The following MTUS2 variants were observed in gnomAD, a reference collection of about 807,000 sequenced individuals.
MTUS2 encodes the protein microtubule-associated tumor suppressor candidate 2.
In MTUS2, 40 loss-of-function variants were observed where a neutral mutation model predicts 114.1. The ratio of observed to expected loss-of-function variants is 0.35; its 90% CI spans 0.27 to 0.46. The LOEUF is 0.46. MTUS2 is among the 20% of genes least tolerant of loss of function. The pLI, the probability that MTUS2 is intolerant of heterozygous loss-of-function variation, is 1.00. For missense variants in MTUS2, 1,679 were observed against 1,705.4 expected (o/e 0.98, Z 0.27); for synonymous variants, 688 against 672.0 (o/e 1.02, Z -0.37).
Position 28,909,251 on chromosome 13 carries a change from G to A in MTUS2, c.-243+69401G>A, listed in dbSNP as rs542525314. The stretch of plus-strand genomic sequence containing the variant: ...GCAAGTCATTGGTAGCTTAATGGGG[G>A]TGGCATTGAATCTATAAATTACCTT... On this transcript the variant is annotated intron_variant, in intron 2 of 15. Coordinates refer to ENST00000612955, the MANE Select transcript of MTUS2 (RefSeq NM_001033602.4). Among the ~76,000 whole-genome samples the A allele has an allele frequency of 6.7e-4, 100 of 149,632 alleles. 2 individuals carry two copies. The highest frequency in any genetic ancestry group is 7.0e-3 in the Middle Eastern group (2 of 284).
chr13:29,400,269 A>G (rs1310701794), intron 8 of MTUS2, among the ~76,000 whole-genome samples: 4 of 152,250 alleles, frequency 2.6e-5, no homozygotes, highest in Non-Finnish European at 4.4e-5. Flanking sequence ...AAGTGGATAT[A>G]TATCTCCATG....
chr13:28,866,760 G>A (rs974886322), intron 2 of MTUS2, among the ~76,000 whole-genome samples: 19 of 152,170 alleles, frequency 1.2e-4, no homozygotes, highest in Middle Eastern at 3.4e-3. Flanking sequence ...TTGAGTACTA[G>A]ACAGGTTCCT....
At chr13:28,862,474 A>G (rs1377527012) in intron 2 of MTUS2, among the ~76,000 whole-genome samples, 3 of 152,178 alleles carry the variant, frequency 2.0e-5, no homozygotes, top group African/African-American at 7.2e-5. Flanking sequence ...TTAGCCAGGC[A>G]TGGTGGCGCA....
At chr13:28,944,710 G>A (rs1376399469) in intron 2 of MTUS2, among the ~76,000 whole-genome samples, 3 of 152,144 alleles carry the variant, frequency 2.0e-5, no homozygotes, top group African/African-American at 7.2e-5. Flanking sequence ...TCATCCTTGG[G>A]CTGTGGGAGT....
At chr13:29,391,747 TA>T (rs1433870237) in intron 8 of MTUS2, among the ~76,000 whole-genome samples, 4 of 152,170 alleles carry the variant, frequency 2.6e-5, no homozygotes, top group Non-Finnish European at 5.9e-5. Context: ...AAGCTACGAT[TA>T]AAAGCTACGA....
chr13:29,333,428 C>G (rs1900894813), intron 7 of MTUS2, among the ~76,000 whole-genome samples: 2 of 151,820 alleles, frequency 1.3e-5, no homozygotes, highest in African/African-American at 4.8e-5. Context: ...AACACCCTAC[C>G]TCAGGTGATC....
At chr13:29,030,449 C>T (rs1886763781) in intron 3 of MTUS2, among the ~76,000 whole-genome samples, 1 of 152,180 alleles carries the variant, frequency 6.6e-6, no homozygotes, top group East Asian at 1.9e-4. Flanking sequence ...GAGACCCAGG[C>T]CTCTTCTCAG....
chr13:29,302,909 G>A lies in MTUS2; in HGVS notation c.2806+21044G>A, dbSNP rs560596851. On this transcript the variant is annotated intron_variant, in intron 6 of 15. Coordinates refer to ENST00000612955, the MANE Select transcript of MTUS2 (RefSeq NM_001033602.4). ...TCCTACAGGTACATGAAGGCTGGCAGTAGGTCAGTACCCCCTGGGATGGAG... is the reference window on the plus strand; with the variant it reads ...TCCTACAGGTACATGAAGGCTGGCAATAGGTCAGTACCCCCTGGGATGGAG... 1.5e-3 allele frequency among the ~76,000 whole-genome samples: 228 copies of A among 152,322 alleles called. 1 individual carries two copies. Among genetic ancestry groups the A allele is most frequent in the Non-Finnish European group, 2.4e-3 (161 of 68,026 alleles).
At chr13:28,955,443 G>A (rs971395956) in intron 2 of MTUS2, among the ~76,000 whole-genome samples, 12 of 152,198 alleles carry the variant, frequency 7.9e-5, no homozygotes, top group African/African-American at 2.9e-4. Context: ...GAATGTGGTG[G>A]CCCACTTAGG....
At position 29,429,477 on chromosome 13, in the gene MTUS2, G is replaced by A. The variant is rs1236747504; in HGVS notation, c.3118-10506G>A. On this transcript the variant is annotated intron_variant, in intron 8 of 15. Transcript: ENST00000612955. ...AAAAAGCCAGAGAGAGTCTGAGGGT[G>A]TGTTCAAGTCTTCACAGGAGAAAAA... is the stretch of plus-strand genomic sequence containing the variant. 2.0e-5 allele frequency among the ~76,000 whole-genome samples: 3 copies of A among 152,254 alleles called. No homozygotes were observed. The East Asian group carries it at 5.8e-4, about 29-fold the overall frequency.
Position 29,127,766 on chromosome 13 carries a change from T to A in MTUS2, c.2644+26796T>A, listed in dbSNP as rs1566022305. On this transcript the variant is annotated intron_variant, in intron 5 of 15. Coordinates refer to ENST00000612955, the MANE Select transcript of MTUS2 (RefSeq NM_001033602.4). ...CCTGATTCTCCTCTGATCCGATAGCTGCTCACTGGCAGGAGCCACATTTCT... is the reference window on the plus strand; with the variant it reads ...CCTGATTCTCCTCTGATCCGATAGCAGCTCACTGGCAGGAGCCACATTTCT... Among the ~76,000 whole-genome samples the A allele has an allele frequency of 2.0e-5, 3 of 152,258 alleles. No individual in the cohort carries two copies. The South Asian group carries it at 6.2e-4, about 32-fold the overall frequency.
intron 2 of MTUS2, among the ~76,000 whole-genome samples, chr13:28,929,889 T>C (rs1881523136): frequency 6.6e-6 from 1 of 152,140 alleles, no homozygotes; most frequent in African/African-American, 2.4e-5. Flanking sequence ...TTACACAGTC[T>C]GGCAAGTGTT....
chr13:29,026,019 C>T lies in MTUS2; in HGVS notation c.1321C>T (p.Pro441Ser). The change falls in exon 3 of 16, where the codon CCT becomes TCT. Residue 441 changes from proline to serine, a missense_variant. This residue lies in a region of MTUS2 where 843 missense variants were observed against 770.8 expected (regional missense o/e 1.09). Transcript: ENST00000612955. ...SPGDSHVAFI[P>S]NNLTDSKPLD... is the part of the protein sequence containing the mutation. ...AGGTGACAGTCATGTGGCTTTTATT[C>T]CTAATAATCTGACTGACAGCAAGCC... 6.2e-7 allele frequency: 1 copy of T among 1,613,924 alleles called. No individual in the cohort carries two copies. The highest frequency in any genetic ancestry group is 2.2e-5 in the East Asian group (1 of 44,876).
intron 2 of MTUS2, among the ~76,000 whole-genome samples, chr13:28,893,907 T>A (rs1408303111): frequency 6.6e-6 from 1 of 152,118 alleles, no homozygotes; most frequent in African/African-American, 2.4e-5. Flanking sequence ...CAGATCGACA[T>A]TGTTTTGGTT....
At chr13:29,408,160 AAACTT>A (rs1013255006) in intron 8 of MTUS2, among the ~76,000 whole-genome samples, 3 of 152,164 alleles carry the variant, frequency 2.0e-5, no homozygotes, top group Admixed American at 2.0e-4. Flanking sequence ...TTTCTAAACT[AAACTT>A]CTAATTTTAA....
intron 5 of MTUS2, among the ~76,000 whole-genome samples, chr13:29,136,659 C>A (rs796795457): frequency 4.6e-5 from 7 of 152,310 alleles, no homozygotes; most frequent in African/African-American, 1.7e-4. Context: ...TAGAGGTTGG[C>A]TGGCCCAAAG....
intron 8 of MTUS2, among the ~76,000 whole-genome samples, chr13:29,390,756 GTGATGATGATGA>G (rs71090251): frequency 2.2e-4 from 33 of 146,694 alleles, no homozygotes; most frequent in South Asian, 6.8e-4. Context: ...CCACCAAATG[GTGATGATGATGA>G]TGATGATGAT....
chr13:28,938,530 G>GT (rs1208796960), intron 2 of MTUS2, among the ~76,000 whole-genome samples: 1 of 150,422 alleles, frequency 6.6e-6, no homozygotes. Flanking sequence ...TGCAAAGAAG[G>GT]TTAGATTTTT....
rs1435662219 is a variant in MTUS2, at chr13:28,919,720, T to TAAA, written c.-243+79872_-243+79873insAAA. 9.2e-5 allele frequency among the ~76,000 whole-genome samples: 14 copies of TAAA among 152,330 alleles called. No homozygotes were observed. In the South Asian group the frequency reaches 1.7e-3, roughly 18 times the overall value. On this transcript the variant is annotated intron_variant, in intron 2 of 15. Transcript: ENST00000612955. The stretch of plus-strand genomic sequence containing the variant: ...CAAAAAACTCTTAGATTTGCCTTTT[T>TAAA]AAGGCTATTTTTGTAGATCTTGTAG...
Sources: gnomAD v4.1 joint callset for allele counts (sites outside exome capture counted in the v4.1 genomes callset) on GRCh38, gnomAD v4.1.1 for gene constraint, gnomAD v4.1.1 regional missense constraint, MANE v1.5 for transcripts, NCBI Gene and HGNC (gene_info 2026-07-23, HGNC 2026-07-21) for gene names.